MAST4: variants seen among roughly 807,000 people sequenced by gnomAD.
MAST4 encodes microtubule-associated serine/threonine-protein kinase 4.
A neutral mutation model predicts 162.7 loss-of-function variants in MAST4; 89 were observed. The observed-to-expected ratio is 0.55, with a 90% CI of 0.46 to 0.65. The LOEUF (loss-of-function observed/expected upper bound fraction) is 0.65, where lower values mean the gene tolerates loss of function less well. Among genes scored for constraint, MAST4 ranks in the 30% least tolerant of loss-of-function variants. The pLI is 0.00. For missense variants in MAST4, 3,153 were observed against 3,374.0 expected (o/e 0.93, Z 1.62); for synonymous variants, 1,479 against 1,361.1 (o/e 1.09, Z -1.91).
At chr5:66,905,044 G>A (rs1310260656) in intron 4 of MAST4, among the ~76,000 whole-genome samples, 1 of 152,068 alleles carries the variant, frequency 6.6e-6, no homozygotes, top group African/African-American at 2.4e-5. Flanking sequence ...AGTGGCTCAC[G>A]CCTGTAATCC....
chr5:66,838,689 G>C (rs930865033), intron 3 of MAST4, among the ~76,000 whole-genome samples: 7 of 152,204 alleles, frequency 4.6e-5, no homozygotes, highest in Admixed American at 1.3e-4. Context: ...CTGCCGGATG[G>C]TGAAGGATGA....
At chr5:66,751,727 A>G (rs1438808309) in intron 1 of MAST4, among the ~76,000 whole-genome samples, 4 of 150,724 alleles carry the variant, frequency 2.7e-5, no homozygotes, top group Non-Finnish European at 5.9e-5. Flanking sequence ...TCTGCAGGAT[A>G]TTATCCAGGA....
chr5:66,881,389 C>T (rs1396249476), intron 3 of MAST4, among the ~76,000 whole-genome samples: 1 of 152,172 alleles, frequency 6.6e-6, no homozygotes. Context: ...GTTAAGTCCA[C>T]TTGAATATTG....
chr5:67,107,922 G>C (rs1765778422), intron 10 of MAST4, among the ~76,000 whole-genome samples: 1 of 152,214 alleles, frequency 6.6e-6, no homozygotes, highest in South Asian at 2.1e-4. Context: ...CAGACACAGG[G>C]TATCCGTTAG....
At chr5:66,664,666 G>T (rs1747135001) in intron 1 of MAST4, among the ~76,000 whole-genome samples, 2 of 148,528 alleles carry the variant, frequency 1.3e-5, no homozygotes, top group Non-Finnish European at 3.0e-5. Flanking sequence ...AGTGTAGATA[G>T]AGAAGAACAA....
chr5:66,788,634 CTGTCACT>C, intron 2 of MAST4, 29 bp from the exon 3 acceptor site: 1 of 1,608,266 alleles, frequency 6.2e-7, no homozygotes, highest in Non-Finnish European at 8.5e-7. Flanking sequence ...TACCGGCTGC[CTGTCACT>C]TACATTTTCT....
intron 3 of MAST4, among the ~76,000 whole-genome samples, chr5:66,817,684 A>G (rs1044015187): frequency 2.6e-5 from 4 of 152,184 alleles, no homozygotes. Context: ...ATTTTATTTT[A>G]TTAGGTGATA....
At chr5:66,676,915 A>G (rs1285566794) in intron 1 of MAST4, among the ~76,000 whole-genome samples, 1 of 152,256 alleles carries the variant, frequency 6.6e-6, no homozygotes, top group African/African-American at 2.4e-5. Context: ...TCTGTCAAGA[A>G]AATCACACAT....
At chr5:67,017,611 T>C (rs1043837690) in intron 4 of MAST4, among the ~76,000 whole-genome samples, 16 of 150,512 alleles carry the variant, frequency 1.1e-4, no homozygotes, top group African/African-American at 3.7e-4. Flanking sequence ...TTTTCTTTTT[T>C]TTTTTTTTTT....
chr5:67,088,914 C>A (rs1411409293), intron 5 of MAST4, among the ~76,000 whole-genome samples: 1 of 152,140 alleles, frequency 6.6e-6, no homozygotes, highest in African/African-American at 2.4e-5. Flanking sequence ...ATAGCCAGTC[C>A]AAAAGTCCTC....
chr5:67,142,603 C>G (rs74488898), intron 21 of MAST4, 70 bp downstream of exon 21: 1 of 1,032,884 alleles, frequency 9.7e-7, no homozygotes, highest in Non-Finnish European at 1.5e-6. Flanking sequence ...ATAGTATCCC[C>G]GAACAGCTGG....
chr5:66,602,256 A>G (rs1316013697), intron 1 of MAST4, among the ~76,000 whole-genome samples: 2 of 152,050 alleles, frequency 1.3e-5, no homozygotes, highest in African/African-American at 4.8e-5. Flanking sequence ...GCATGAAGGG[A>G]GATGGTCTGA....
At chr5:66,598,144 G>C (rs1177490357) in intron 1 of MAST4, among the ~76,000 whole-genome samples, 1 of 152,190 alleles carries the variant, frequency 6.6e-6, no homozygotes, top group African/African-American at 2.4e-5. Context: ...AAGGTTGAGA[G>C]GAGGCGAGTC....
intron 4 of MAST4, among the ~76,000 whole-genome samples, chr5:66,992,531 C>T (rs993092851): frequency 6.6e-6 from 1 of 152,154 alleles, no homozygotes; most frequent in Non-Finnish European, 1.5e-5. Flanking sequence ...GTTTCAGTCC[C>T]CTTTAAACTG....
At chr5:66,673,267 G>T (rs1392298963) in intron 1 of MAST4, among the ~76,000 whole-genome samples, 1 of 151,914 alleles carries the variant, frequency 6.6e-6, no homozygotes, top group Non-Finnish European at 1.5e-5. Context: ...GTCCATAGTG[G>T]TCTTCTTTAG....
chr5:66,832,253 C>T (rs963829872), intron 3 of MAST4, among the ~76,000 whole-genome samples: 7 of 152,124 alleles, frequency 4.6e-5, no homozygotes, highest in South Asian at 2.1e-4. Flanking sequence ...CAGACTCTCA[C>T]GTGCAGCTAG....
chr5:66,725,346 A>G (rs1279076203), intron 1 of MAST4, among the ~76,000 whole-genome samples: 1 of 152,038 alleles, frequency 6.6e-6, no homozygotes, highest in Non-Finnish European at 1.5e-5. Context: ...TGATTTTTAA[A>G]ATGATCATAA....
chr5:66,913,025 C>T (rs558137996), intron 4 of MAST4, among the ~76,000 whole-genome samples: 1 of 152,236 alleles, frequency 6.6e-6, no homozygotes, highest in Non-Finnish European at 1.5e-5. Context: ...TCATGGATTC[C>T]CAAGTAGCAT....
At chr5:66,927,028 T>C (rs958110519) in intron 4 of MAST4, among the ~76,000 whole-genome samples, 2 of 152,204 alleles carry the variant, frequency 1.3e-5, no homozygotes, top group Admixed American at 6.5e-5. Context: ...CTTCCTATGT[T>C]TTTTAATTTA....
Sources: gnomAD v4.1 joint callset for allele counts (sites outside exome capture counted in the v4.1 genomes callset) on GRCh38, gnomAD v4.1.1 for gene constraint, MANE v1.5 for transcripts, NCBI Gene and HGNC (gene_info 2026-07-23, HGNC 2026-07-21) for gene names.